DCC: variants seen among roughly 807,000 people sequenced by gnomAD.
The protein encoded by DCC is netrin receptor DCC.
Under a neutral mutation model 172.5 loss-of-function variants are expected in DCC, and 58 were observed. That is an observed-to-expected ratio of 0.34 (90% confidence interval 0.27 to 0.42). DCC has a LOEUF of 0.42. DCC is among the 10% of genes least tolerant of loss of function. The probability of loss-of-function intolerance (pLI) is 1.00; values close to 1 mark genes in which losing one functional copy is unlikely to be tolerated. For synonymous variants in DCC, 709 were observed against 644.5 expected (o/e 1.10, Z -1.52); for missense variants, 1,740 against 1,791.0 (o/e 0.97, Z 0.51).
chr18:53,356,066 T>A (rs2057874636), intron 15 of DCC, among the ~76,000 whole-genome samples: 1 of 152,060 alleles, frequency 6.6e-6, no homozygotes, highest in Non-Finnish European at 1.5e-5. Context: ...CACTTATTTA[T>A]TTTTTTGAGA....
At chr18:53,426,708 C>G (rs1039452) in intron 21 of DCC, among the ~76,000 whole-genome samples, 1 of 151,596 alleles carries the variant, frequency 6.6e-6, no homozygotes, top group Non-Finnish European at 1.5e-5. Flanking sequence ...TAACATTTTC[C>G]GTCTCACTGA....
At chr18:53,197,617 C>T (rs1598896841) in intron 9 of DCC, among the ~76,000 whole-genome samples, 1 of 151,864 alleles carries the variant, frequency 6.6e-6, no homozygotes, top group African/African-American at 2.4e-5. Flanking sequence ...AGACATCAGC[C>T]TCGTTCAGTA....
rs759086956 is a variant in DCC at position 53,285,740 on chromosome 18, C to T, written c.1912-19838C>T. ...ACCATGCACCTGGAGAAGCCACAAA[C>T]GCTCAATGCTGCCACTGAAAGCAGC... On this transcript the variant is annotated intron_variant, in intron 12 of 28. Transcript: ENST00000442544. Among the ~76,000 whole-genome samples the T allele has an allele frequency of 1.5e-4, 23 of 152,342 alleles. No individual in the cohort carries two copies. The East Asian group carries it at 2.3e-3, about 15-fold the overall frequency.
At chr18:52,992,871 C>T (rs543615309) in intron 5 of DCC, among the ~76,000 whole-genome samples, 28 of 151,820 alleles carry the variant, frequency 1.8e-4, no homozygotes, top group African/African-American at 6.5e-4. Flanking sequence ...CCAGCTACAT[C>T]GGGAGGCTGA....
intron 1 of DCC, among the ~76,000 whole-genome samples, chr18:52,458,363 C>T: frequency 6.6e-6 from 1 of 152,086 alleles, no homozygotes; most frequent in Middle Eastern, 3.2e-3. Context: ...ACTCATTGTC[C>T]CCCCCTGACT....
chr18:53,170,477 G>A (rs963977083), intron 8 of DCC, among the ~76,000 whole-genome samples: 1 of 152,186 alleles, frequency 6.6e-6, no homozygotes, highest in Non-Finnish European at 1.5e-5. Context: ...ACCTATCTAT[G>A]TAGCTTTTTT....
At chr18:52,706,281 C>T (rs1174481125) in intron 1 of DCC, among the ~76,000 whole-genome samples, 1 of 152,138 alleles carries the variant, frequency 6.6e-6, no homozygotes, top group Admixed American at 6.5e-5. Flanking sequence ...CTGGGTCAGT[C>T]CCTATAGCAC....
chr18:52,829,800 C>A (rs190655873), intron 2 of DCC, among the ~76,000 whole-genome samples: 58 of 152,194 alleles, frequency 3.8e-4, no homozygotes, highest in African/African-American at 1.3e-3. Context: ...CCTTTATGGG[C>A]TTTTATTATG....
intron 1 of DCC, among the ~76,000 whole-genome samples, chr18:52,741,305 G>A (rs1399778679): frequency 6.6e-6 from 1 of 152,110 alleles, no homozygotes; most frequent in Non-Finnish European, 1.5e-5. Flanking sequence ...CCTGAACAAT[G>A]GAAATAGCCT....
intron 12 of DCC, among the ~76,000 whole-genome samples, chr18:53,263,274 C>T (rs113042595): frequency 1.6e-4 from 24 of 152,254 alleles, no homozygotes; most frequent in African/African-American, 5.3e-4. Context: ...GCCTCAGCCT[C>T]CGGAGTAGCC....
At chr18:52,402,187 A>G (rs2144378085) in intron 1 of DCC, among the ~76,000 whole-genome samples, 1 of 152,118 alleles carries the variant, frequency 6.6e-6, no homozygotes, top group East Asian at 1.9e-4. Context: ...ACTACCCGAT[A>G]TTAATGGTAT....
At chr18:52,906,716 G>T (rs1313698538) in intron 3 of DCC, among the ~76,000 whole-genome samples, 1 of 151,754 alleles carries the variant, frequency 6.6e-6, no homozygotes, top group African/African-American at 2.4e-5. Context: ...AATTTGCAAC[G>T]TTAAGAACAT....
chr18:53,068,865 C>T (rs1291332195), intron 7 of DCC, among the ~76,000 whole-genome samples: 1 of 150,828 alleles, frequency 6.6e-6, no homozygotes. Flanking sequence ...CTTTATTCTG[C>T]TATTTCATGG....
chr18:52,446,890 G>A (rs1191400826), intron 1 of DCC, among the ~76,000 whole-genome samples: 1 of 152,080 alleles, frequency 6.6e-6, no homozygotes, highest in African/African-American at 2.4e-5. Flanking sequence ...TATTACATTC[G>A]GCATAATGCC....
intron 1 of DCC, among the ~76,000 whole-genome samples, chr18:52,656,540 T>C (rs769198506): frequency 7.5e-5 from 11 of 146,678 alleles, no homozygotes; most frequent in Non-Finnish European, 1.5e-4. Flanking sequence ...TAGATTGCAT[T>C]CTACTTACAT....
intron 2 of DCC, among the ~76,000 whole-genome samples, chr18:52,757,553 G>A (rs1049169967): frequency 6.6e-6 from 1 of 152,014 alleles, no homozygotes; most frequent in Non-Finnish European, 1.5e-5. Context: ...AAGGAGCACG[G>A]TTGGAGCCTA....
chr18:53,507,461 G>A (rs977597265), intron 27 of DCC, among the ~76,000 whole-genome samples: 1 of 152,120 alleles, frequency 6.6e-6, no homozygotes, highest in African/African-American at 2.4e-5. Flanking sequence ...TTACTAGCAG[G>A]GACTTATAAA....
chr18:53,280,537 T>G (rs967625922), intron 12 of DCC, among the ~76,000 whole-genome samples: 13 of 152,262 alleles, frequency 8.5e-5, no homozygotes, highest in Middle Eastern at 3.4e-3. Flanking sequence ...CTGGAGTTAC[T>G]GGGTGTTTTC....
intron 12 of DCC, among the ~76,000 whole-genome samples, chr18:53,220,598 T>A (rs1381684727): frequency 6.6e-6 from 1 of 152,196 alleles, no homozygotes; most frequent in East Asian, 1.9e-4. Context: ...TATTTAAAGA[T>A]AAACTAGAAC....
Sources: allele counts gnomAD v4.1 joint callset (sites outside exome capture counted in the v4.1 genomes callset), GRCh38; gene constraint gnomAD v4.1.1; transcripts MANE v1.5; gene names NCBI Gene and HGNC (gene_info 2026-07-23, HGNC 2026-07-21).